Variants in MAGI2 observed in about 807,000 individuals in gnomAD.
The protein encoded by MAGI2 is membrane-associated guanylate kinase, WW and PDZ domain-containing protein 2.
MAGI2 carries 35 observed loss-of-function variants against 133.3 expected under a neutral mutation model. That is an observed-to-expected ratio of 0.26 (90% CI 0.20 to 0.35). The LOEUF is 0.35. Ranked by LOEUF, MAGI2 falls within the 10% of genes least tolerant of loss-of-function variation. MAGI2 has a pLI of 1.00. For synonymous variants in MAGI2, 729 were observed against 710.6 expected (o/e 1.03, Z -0.41); for missense variants, 1,636 against 1,863.4 (o/e 0.88, Z 2.25).
chr7:78,797,839 G>T (rs1401825900), intron 2 of MAGI2, among the ~76,000 whole-genome samples: 1 of 152,126 alleles, frequency 6.6e-6, no homozygotes, highest in East Asian at 1.9e-4. Flanking sequence ...AGCTGGTCTA[G>T]TCTTGCCCAA....
At chr7:78,486,981 G>T in intron 6 of MAGI2, 1 of 525,622 alleles carries the variant, frequency 1.9e-6, no homozygotes, top group Non-Finnish European at 3.8e-6. Flanking sequence ...GGAAATCCCT[G>T]ATCTGATTCA....
At chr7:78,885,817 C>T (rs1796218417) in intron 2 of MAGI2, among the ~76,000 whole-genome samples, 1 of 152,124 alleles carries the variant, frequency 6.6e-6, no homozygotes, top group Non-Finnish European at 1.5e-5. Flanking sequence ...CTGAGTATAA[C>T]TCACTACTTG....
intron 1 of MAGI2, among the ~76,000 whole-genome samples, chr7:79,178,540 C>T (rs190169439): frequency 1.3e-5 from 2 of 151,774 alleles, no homozygotes; most frequent in Admixed American, 6.6e-5. Flanking sequence ...GGTGAAACCC[C>T]GCCTCTACTG....
chr7:78,480,024 G>A (rs906703093), intron 6 of MAGI2, among the ~76,000 whole-genome samples: 1 of 151,826 alleles, frequency 6.6e-6, no homozygotes, highest in Non-Finnish European at 1.5e-5. Flanking sequence ...TGAAATTAAA[G>A]ACAGATCCAC....
At chr7:79,017,592 C>T (rs1204566383) in intron 1 of MAGI2, among the ~76,000 whole-genome samples, 1 of 152,044 alleles carries the variant, frequency 6.6e-6, no homozygotes, top group Non-Finnish European at 1.5e-5. Context: ...GCTGAGATGG[C>T]TGAAATGATA....
At chr7:79,098,604 C>T (rs1349105645) in intron 1 of MAGI2, among the ~76,000 whole-genome samples, 1 of 152,164 alleles carries the variant, frequency 6.6e-6, no homozygotes, top group African/African-American at 2.4e-5. Context: ...TAGACCTTTA[C>T]TTAGGACTGC....
rs182748372 is a variant in MAGI2 at position 78,272,995 on chromosome 7, G to C, written c.1409-16414C>G. Among the ~76,000 whole-genome samples, 30 of 152,276 alleles carry C rather than the reference G, an allele frequency of 2.0e-4. No homozygotes were observed. In the East Asian group the frequency reaches 5.6e-3, roughly 28 times the overall value. On this transcript the variant is annotated intron_variant, in intron 9 of 21. Transcript: ENST00000354212. ...TGATCCTGTCATTATGATGCTAGCT[G>C]GTTATTTTGCCCGTTTGTTGATGCA...
At chr7:78,641,784 G>C (rs1425985037) in intron 2 of MAGI2, among the ~76,000 whole-genome samples, 1 of 152,120 alleles carries the variant, frequency 6.6e-6, no homozygotes, top group Non-Finnish European at 1.5e-5. Flanking sequence ...AAGGATCATA[G>C]ATATTTGGTC....
At chr7:78,120,801 A>T (rs1452298685) in intron 20 of MAGI2, among the ~76,000 whole-genome samples, 6 of 151,466 alleles carry the variant, frequency 4.0e-5, no homozygotes, top group African/African-American at 1.5e-4. Context: ...GGAGATCGAG[A>T]CCATCCCGGC....
chr7:79,127,811 C>A (rs1584994229), intron 1 of MAGI2, among the ~76,000 whole-genome samples: 1 of 152,124 alleles, frequency 6.6e-6, no homozygotes, highest in African/African-American at 2.4e-5. Flanking sequence ...TAATTAGATC[C>A]CATTTGTCAA....
At chr7:78,031,829 C>A (rs567085603) in intron 21 of MAGI2, among the ~76,000 whole-genome samples, 2 of 152,122 alleles carry the variant, frequency 1.3e-5, no homozygotes, top group Non-Finnish European at 2.9e-5. Context: ...TTCTTGGGCT[C>A]CAGCTAAATC....
chr7:78,904,506 A>G (rs1347679478), intron 2 of MAGI2, among the ~76,000 whole-genome samples: 3 of 151,164 alleles, frequency 2.0e-5, no homozygotes, highest in East Asian at 3.9e-4. Flanking sequence ...TGCATAGCAT[A>G]CTAAATAATA....
intron 9 of MAGI2, among the ~76,000 whole-genome samples, chr7:78,257,461 C>T (rs937384985): frequency 3.3e-5 from 5 of 152,296 alleles, no homozygotes; most frequent in Middle Eastern, 3.4e-3. Context: ...TCAATAAAGG[C>T]ACTTGTCCTT....
chr7:79,155,439 A>G (rs73704250), intron 1 of MAGI2, among the ~76,000 whole-genome samples: 1 of 152,020 alleles, frequency 6.6e-6, no homozygotes, highest in Non-Finnish European at 1.5e-5. Flanking sequence ...GGTATTAATT[A>G]AACAATCTCA....
intron 1 of MAGI2, among the ~76,000 whole-genome samples, chr7:79,229,617 T>C (rs192258413): frequency 1.3e-5 from 2 of 152,328 alleles, no homozygotes; most frequent in Admixed American, 6.5e-5. Context: ...ATAATGCATA[T>C]GAATCTGTGT....
intron 2 of MAGI2, among the ~76,000 whole-genome samples, chr7:78,749,019 C>T (rs1823203459): frequency 6.6e-6 from 1 of 152,144 alleles, no homozygotes; most frequent in African/African-American, 2.4e-5. Flanking sequence ...GTGGTGAAAC[C>T]TATTTTTAAG....
Position 78,436,897 on chromosome 7 carries a change from A to G in MAGI2, c.1045+52864T>C, listed in dbSNP as rs906700829. On this transcript the variant is annotated intron_variant, in intron 6 of 21. Transcript: ENST00000354212. ...GGGGCCTGGGTAGTTAGGCTGGTCCACTGCAGGGGGATGGAAATGGCATTT... is the reference window on the plus strand; with the variant it reads ...GGGGCCTGGGTAGTTAGGCTGGTCCGCTGCAGGGGGATGGAAATGGCATTT... 2.0e-5 allele frequency among the ~76,000 whole-genome samples: 3 copies of G among 152,224 alleles called. No homozygotes were observed. The South Asian group carries it at 6.2e-4, about 32-fold the overall frequency.
intron 9 of MAGI2, among the ~76,000 whole-genome samples, chr7:78,256,958 G>A (rs1793047587): frequency 6.6e-6 from 1 of 152,126 alleles, no homozygotes; most frequent in African/African-American, 2.4e-5. Context: ...GAACTATTGA[G>A]AAGTAGTGGT....
intron 2 of MAGI2, among the ~76,000 whole-genome samples, chr7:78,827,725 C>G (rs1264629388): frequency 6.6e-6 from 1 of 151,834 alleles, no homozygotes; most frequent in Admixed American, 6.6e-5. Context: ...GAAACACAAC[C>G]AAAAGTATAA....
Sources: allele counts gnomAD v4.1 joint callset (sites outside exome capture counted in the v4.1 genomes callset), GRCh38; gene constraint gnomAD v4.1.1; transcripts MANE v1.5; gene names NCBI Gene and HGNC (gene_info 2026-07-23, HGNC 2026-07-21).